Variants in ADGRB3 observed in about 807,000 individuals in gnomAD.
ADGRB3 encodes brain-specific angiogenesis inhibitor 3.
Under a neutral mutation model 193.4 loss-of-function variants are expected in ADGRB3, and 37 were observed. The ratio of observed to expected loss-of-function variants is 0.19; its 90% CI spans 0.15 to 0.25. The LOEUF (loss-of-function observed/expected upper bound fraction) is 0.25, where lower values mean the gene tolerates loss of function less well. ADGRB3 is among the 10% of genes least tolerant of loss of function. ADGRB3 has a pLI of 1.00. For synonymous variants in ADGRB3, 690 were observed against 644.2 expected (o/e 1.07, Z -1.08); for missense variants, 1,637 against 1,852.9 (o/e 0.88, Z 2.14).
At chr6:68,945,292 G>A (rs1767745245) in intron 6 of ADGRB3, among the ~76,000 whole-genome samples, 1 of 151,944 alleles carries the variant, frequency 6.6e-6, no homozygotes, top group African/African-American at 2.4e-5. Flanking sequence ...TGTGAATTAT[G>A]AGTGTAACTT....
chr6:69,082,378 T>C (rs1772412221), intron 17 of ADGRB3, among the ~76,000 whole-genome samples: 1 of 152,096 alleles, frequency 6.6e-6, no homozygotes, highest in Admixed American at 6.6e-5. Flanking sequence ...CTTTTTGAAA[T>C]ATAGATTCAC....
At chr6:69,085,569 A>T (rs935490083) in intron 17 of ADGRB3, among the ~76,000 whole-genome samples, 3 of 149,518 alleles carry the variant, frequency 2.0e-5, no homozygotes, top group Non-Finnish European at 4.5e-5. Context: ...ACTCAGACTA[A>T]TTTTTTTTTT....
chr6:68,989,073 G>T (rs938863996), intron 10 of ADGRB3, among the ~76,000 whole-genome samples: 1 of 151,988 alleles, frequency 6.6e-6, no homozygotes, highest in Non-Finnish European at 1.5e-5. Flanking sequence ...GGCACTTGGG[G>T]CTCCCAAAAG....
At chr6:69,264,661 G>T (rs886548008) in intron 20 of ADGRB3, among the ~76,000 whole-genome samples, 1 of 151,496 alleles carries the variant, frequency 6.6e-6, no homozygotes, top group Admixed American at 6.6e-5. Context: ...ACCTATGAAC[G>T]AGTCTCACCC....
At chr6:69,246,785 A>C (rs1766506762) in intron 20 of ADGRB3, among the ~76,000 whole-genome samples, 1 of 152,212 alleles carries the variant, frequency 6.6e-6, no homozygotes, top group Admixed American at 6.5e-5. Context: ...AGCAGTTTGG[A>C]CATTCAGTGA....
At chr6:69,137,140 T>TA (rs932057557) in intron 17 of ADGRB3, among the ~76,000 whole-genome samples, 1 of 148,360 alleles carries the variant, frequency 6.7e-6, no homozygotes, top group Non-Finnish European at 1.5e-5. Flanking sequence ...TGGTTTCTTA[T>TA]AACTCCTGCA....
chr6:69,364,243 G>T (rs1562000138), intron 29 of ADGRB3, among the ~76,000 whole-genome samples: 1 of 151,936 alleles, frequency 6.6e-6, no homozygotes, highest in African/African-American at 2.4e-5. Flanking sequence ...ACAGAAGAAG[G>T]TAAACACTGC....
In ADGRB3 at chr6:69,346,607, C is replaced by CTAGTGAAAA. The variant is rs1207890877; in HGVS notation, c.3459+7103_3459+7104insTAGTGAAAA. Among the ~76,000 whole-genome samples, 3 of 152,316 alleles carry CTAGTGAAAA rather than the reference C, an allele frequency of 2.0e-5. No individual in the cohort carries two copies. In the East Asian group the frequency reaches 5.8e-4, roughly 29 times the overall value. ...GCCAACAAACATATGAAAAATAGCT[C>CTAGTGAAAA]ATCATCACTAGTCATTAGAGAAATG... On this transcript the variant is annotated intron_variant, in intron 26 of 31. Coordinates refer to ENST00000370598, the MANE Select transcript of ADGRB3 (RefSeq NM_001704.3).
intron 3 of ADGRB3, among the ~76,000 whole-genome samples, chr6:68,725,285 T>C (rs965690506): frequency 6.6e-6 from 1 of 151,680 alleles, no homozygotes; most frequent in African/African-American, 2.4e-5. Flanking sequence ...CCACATATAA[T>C]ATAGATCCCT....
chr6:69,381,676 G>A (rs1037565116), intron 30 of ADGRB3, among the ~76,000 whole-genome samples: 2 of 151,810 alleles, frequency 1.3e-5, no homozygotes, highest in African/African-American at 4.8e-5. Flanking sequence ...AAGGAATTAG[G>A]CATTACAGCT....
intron 3 of ADGRB3, among the ~76,000 whole-genome samples, chr6:68,879,982 T>C (rs1426467075): frequency 1.3e-5 from 2 of 152,236 alleles, no homozygotes; most frequent in Non-Finnish European, 2.9e-5. Context: ...TGTGTCTATA[T>C]GGCAGCCAAA....
intron 8 of ADGRB3, among the ~76,000 whole-genome samples, chr6:68,968,120 G>T (rs3823063): frequency 0.025 from 3,104 of 125,064 alleles, 59 homozygotes; most frequent in East Asian, 0.07. Flanking sequence ...CCAACTATTT[G>T]CCTTAAAAAA....
chr6:68,904,040 AGGGAAG>A (rs1328642589), intron 3 of ADGRB3, among the ~76,000 whole-genome samples: 3 of 32,178 alleles, frequency 9.3e-5, no homozygotes, highest in South Asian at 1.6e-3. Flanking sequence ...CAAGGAAGGG[AGGGAAG>A]GAGGGAAGGA....
At chr6:68,997,470 C>T (rs1769417913) in intron 11 of ADGRB3, among the ~76,000 whole-genome samples, 1 of 125,778 alleles carries the variant, frequency 8.0e-6, no homozygotes, top group Non-Finnish European at 1.6e-5. Flanking sequence ...TGGTGAAACC[C>T]TGTTGCTACT....
At chr6:69,166,233 G>C (rs1775130140) in intron 17 of ADGRB3, among the ~76,000 whole-genome samples, 1 of 152,038 alleles carries the variant, frequency 6.6e-6, no homozygotes, top group South Asian at 2.1e-4. Context: ...CTGTGAGTGA[G>C]TATGACAAAA....
At chr6:68,640,356 G>T (rs1332490282) in intron 3 of ADGRB3, among the ~76,000 whole-genome samples, 1 of 152,196 alleles carries the variant, frequency 6.6e-6, no homozygotes, top group Non-Finnish European at 1.5e-5. Context: ...AATCCCCAGT[G>T]GGGGAGCTAC....
At chr6:69,348,098 T>C (rs12526777) in intron 26 of ADGRB3, among the ~76,000 whole-genome samples, 16,470 of 152,210 alleles carry the variant, frequency 0.11, 1,074 homozygotes, top group Middle Eastern at 0.3. Flanking sequence ...ACATCAGTCT[T>C]GATTTTCACA....
intron 3 of ADGRB3, among the ~76,000 whole-genome samples, chr6:68,780,035 A>G (rs2127360670): frequency 6.6e-6 from 1 of 152,204 alleles, no homozygotes; most frequent in African/African-American, 2.4e-5. Context: ...TCCCATCTAA[A>G]GAAAGTGAAA....
intron 13 of ADGRB3, among the ~76,000 whole-genome samples, chr6:69,034,683 G>T (rs1770814428): frequency 6.6e-6 from 1 of 150,770 alleles, no homozygotes; most frequent in Non-Finnish European, 1.5e-5. Flanking sequence ...GGAAGACAGA[G>T]AGAGAGTGAG....
Sources: allele counts gnomAD v4.1 joint callset (sites outside exome capture counted in the v4.1 genomes callset), GRCh38; gene constraint gnomAD v4.1.1; transcripts MANE v1.5; gene names NCBI Gene and HGNC (gene_info 2026-07-23, HGNC 2026-07-21).